Variants in LRRC2 observed in about 807,000 individuals in gnomAD.
LRRC2 encodes leucine-rich repeat-containing protein 2.
A neutral mutation model predicts 40.2 loss-of-function variants in LRRC2; 27 were observed. The ratio of observed to expected loss-of-function variants is 0.67; its 90% confidence interval spans 0.49 to 0.93. LRRC2 has a LOEUF of 0.93. Ranked by LOEUF, LRRC2 falls within the 40% of genes least tolerant of loss-of-function variation. The pLI is 0.00. For missense variants in LRRC2, 402 were observed against 439.6 expected (o/e 0.91, Z 0.76); for synonymous variants, 147 against 158.9 (o/e 0.92, Z 0.56).
chr3:46,563,495 A>T (rs1028144246), intron 1 of LRRC2, among the ~76,000 whole-genome samples: 2 of 151,644 alleles, frequency 1.3e-5, no homozygotes, highest in African/African-American at 4.9e-5. Flanking sequence ...CCCTCAGCCT[A>T]GAGCATTCCT....
rs1438410658 is a variant in LRRC2 at position 46,527,350 on chromosome 3, C to T, written c.929+76G>A. ...GAGCCATCTAATCCGGGTCTTGAGA[C>T]AGCTGCCCAGGCTCTGGTACTTCTC... On this transcript the variant is annotated intron_variant, in intron 7 of 8. Coordinates refer to ENST00000395905, the MANE Select transcript of LRRC2 (RefSeq NM_024512.5). The T allele has an allele frequency of 4.0e-6, 6 of 1,500,742 alleles. No homozygotes were observed. In the Admixed American group the frequency reaches 5.4e-5, roughly 13 times the overall value. The allele number at this position is 1,500,742 out of a possible 1,614,324, so 93.0% of individuals were successfully genotyped here. A position where few individuals can be genotyped will look rare whatever the true frequency, so the allele number is the denominator to read the frequency against.
At chr3:46,520,559 A>G (rs1477087563) in intron 8 of LRRC2, among the ~76,000 whole-genome samples, 1 of 152,254 alleles carries the variant, frequency 6.6e-6, no homozygotes, top group Non-Finnish European at 1.5e-5. Context: ...AATTTGCCCA[A>G]TAAATGACAC....
At chr3:46,527,716 T>G (rs1704084827) in intron 6 of LRRC2, 135 bp from the exon 7 acceptor site, 1 of 735,508 alleles carries the variant, frequency 1.4e-6, no homozygotes, top group Non-Finnish European at 2.2e-6. Flanking sequence ...AACCAACTTA[T>G]TCTAAGTTTT....
intron 1 of LRRC2, among the ~76,000 whole-genome samples, chr3:46,555,884 A>G (rs1300938466): frequency 2.0e-5 from 3 of 152,180 alleles, no homozygotes; most frequent in Non-Finnish European, 2.9e-5. Context: ...AAATATACTG[A>G]CATATTCTGG....
intron 1 of LRRC2, among the ~76,000 whole-genome samples, chr3:46,557,106 T>C (rs905733828): frequency 3.3e-5 from 5 of 152,226 alleles, no homozygotes; most frequent in East Asian, 3.8e-4. Flanking sequence ...TGCACGTATA[T>C]GCCAAGATGG....
chr3:46,553,554 C>T (rs551577554), intron 1 of LRRC2, among the ~76,000 whole-genome samples: 4 of 152,306 alleles, frequency 2.6e-5, no homozygotes, highest in South Asian at 2.1e-4. Flanking sequence ...GGCATAGTGG[C>T]GCATGTCTGT....
intron 1 of LRRC2, among the ~76,000 whole-genome samples, chr3:46,562,244 AGG>A (rs1262179513): frequency 2.6e-5 from 4 of 152,156 alleles, no homozygotes; most frequent in Non-Finnish European, 2.9e-5. Context: ...AAGCTTCACA[AGG>A]AGAGGAACTG....
intron 3 of LRRC2, among the ~76,000 whole-genome samples, chr3:46,543,646 T>TAATAATAATA (rs1374262197): frequency 2.1e-5 from 2 of 95,236 alleles, no homozygotes; most frequent in African/African-American, 6.7e-5. Flanking sequence ...ATAATAATAA[T>TAATAATAATA]AATAAATAAT....
chr3:46,523,047 A>G (rs998318738), intron 7 of LRRC2, among the ~76,000 whole-genome samples: 1 of 152,144 alleles, frequency 6.6e-6, no homozygotes, highest in Admixed American at 6.5e-5. Flanking sequence ...TTATATATAT[A>G]TATTTCCCAC....
chr3:46,551,815 T>C (rs1053079665), intron 1 of LRRC2, among the ~76,000 whole-genome samples: 4 of 150,974 alleles, frequency 2.6e-5, no homozygotes, highest in Non-Finnish European at 5.9e-5. Flanking sequence ...CTTGTTTTTA[T>C]TGAGACAGAG....
chr3:46,562,731 C>CTTT (rs34694804), intron 1 of LRRC2, among the ~76,000 whole-genome samples: 1 of 141,924 alleles, frequency 7.0e-6, no homozygotes, highest in African/African-American at 2.6e-5. Context: ...GAAGTTACTT[C>CTTT]TTTTTTTTTT....
intron 4 of LRRC2, among the ~76,000 whole-genome samples, chr3:46,533,779 C>CTTTCTTTCTTTCTTTCTTTGTTTG (rs1559411918): frequency 4.5e-5 from 6 of 132,216 alleles, no homozygotes; most frequent in South Asian, 2.7e-4. Context: ...CCTCTCTTTT[C>CTTTCTTTCTTTCTTTCTTTGTTTG]TTTCTTTCTT....
intron 1 of LRRC2, chr3:46,559,800 G>A (rs1704895408): frequency 6.6e-6 from 1 of 152,152 alleles, no homozygotes; most frequent in African/African-American, 2.4e-5. Flanking sequence ...CAGTATTTTG[G>A]TGGGAAAGAG....
chr3:46,545,312 G>C (rs1704502631), intron 2 of LRRC2, 59 bp from the exon 3 acceptor site: 10 of 1,501,586 alleles, frequency 6.7e-6, no homozygotes, highest in Middle Eastern at 1.7e-4. Context: ...CACCTGCCTA[G>C]AGAAGTGAGT....
chr3:46,544,820 G>T (rs774473613), intron 3 of LRRC2, among the ~76,000 whole-genome samples: 1 of 152,220 alleles, frequency 6.6e-6, no homozygotes, highest in Non-Finnish European at 1.5e-5. Context: ...AACGCATCCT[G>T]AAAGACTGTG....
intron 4 of LRRC2, among the ~76,000 whole-genome samples, chr3:46,534,832 C>A (rs1485393466): frequency 1.3e-5 from 2 of 152,144 alleles, no homozygotes; most frequent in African/African-American, 4.8e-5. Context: ...GATAAGAGAT[C>A]AAACCCCACC....
intron 1 of LRRC2, among the ~76,000 whole-genome samples, chr3:46,556,634 A>G (rs962402516): frequency 2.2e-5 from 3 of 136,150 alleles, no homozygotes; most frequent in Non-Finnish European, 3.0e-5. Context: ...GCTGGAGTGC[A>G]GCGGCGTGAT....
chr3:46,519,025 G>A lies in LRRC2; in HGVS notation c.1105C>T (p.Leu369Phe), dbSNP rs749733799. Residue 369 changes from leucine (L) to phenylalanine (F), a missense_variant, in exon 9 of 9, where the codon CTT (leucine) becomes TTT (phenylalanine). Leu to Phe is a conservative substitution (Grantham distance 22). Coordinates refer to ENST00000395905, the MANE Select transcript of LRRC2 (RefSeq NM_024512.5). The part of the protein sequence containing the change: ...PSYTTKVSFS[L>F]QL ...TCTTCTGATGGATATCAAAGTTGAA[G>A]GCTAAAAGACACTTTGGTGGTATAG... The A allele has an allele frequency of 6.2e-7, 1 of 1,607,820 alleles. No individual in the cohort carries two copies. Among genetic ancestry groups the A allele is most frequent in the Non-Finnish European group, 8.5e-7 (1 of 1,174,448 alleles).
intron 8 of LRRC2, among the ~76,000 whole-genome samples, chr3:46,520,943 C>A (rs1447967946): frequency 1.3e-5 from 2 of 152,208 alleles, no homozygotes; most frequent in Non-Finnish European, 2.9e-5. Flanking sequence ...TCTCTCCACT[C>A]CTTTGGAAAC....
Sources: gnomAD v4.1 joint callset for allele counts (sites outside exome capture counted in the v4.1 genomes callset) on GRCh38, gnomAD v4.1.1 for gene constraint, MANE v1.5 for transcripts, NCBI Gene and HGNC (gene_info 2026-07-23, HGNC 2026-07-21) for gene names.